The following SHLD1 variants were observed in gnomAD, a reference collection of about 807,000 sequenced individuals.
The protein encoded by SHLD1 is shieldin complex subunit 1, also known as RINN1-REV7-interacting novel NHEJ regulator 3.
In SHLD1, 3 loss-of-function variants were observed where a neutral mutation model predicts 5.5. That is an observed-to-expected ratio of 0.54 (90% confidence interval 0.25 to 1.40). The LOEUF is 1.40. Among genes scored for constraint, SHLD1 ranks in the 40% most tolerant of loss-of-function variants. The pLI is 0.15. For synonymous variants in SHLD1, 92 were observed against 94.3 expected (o/e 0.98, Z 0.14); for missense variants, 210 against 244.4 (o/e 0.86, Z 0.94).
At chr20:5,860,915 G>T (rs1030483626) in intron 2 of SHLD1, among the ~76,000 whole-genome samples, 1 of 138,914 alleles carries the variant, frequency 7.2e-6, no homozygotes, top group African/African-American at 2.6e-5. Context: ...AAAAAAAGAC[G>T]GGCCTGGGAC....
chr20:5,764,158 T>TTTTATATATATATATTTTTA (rs1555768335), intron 1 of SHLD1, among the ~76,000 whole-genome samples: 1 of 72,048 alleles, frequency 1.4e-5, no homozygotes, highest in African/African-American at 5.2e-5. Flanking sequence ...ATATTTATAT[T>TTTTATATATATATATTTTTA]TATATATATA....
chr20:5,862,522 C>T (rs1286035577), intron 2 of SHLD1, among the ~76,000 whole-genome samples: 42 of 152,270 alleles, frequency 2.8e-4, no homozygotes, highest in Admixed American at 2.7e-3. Flanking sequence ...CTCAACTACT[C>T]ATCAAGCTGG....
At chr20:5,752,942 G>A (rs148639492) in intron 1 of SHLD1, among the ~76,000 whole-genome samples, 13 of 152,210 alleles carry the variant, frequency 8.5e-5, no homozygotes, top group African/African-American at 1.7e-4. Context: ...TTACAGGCAC[G>A]CATTGCCATG....
At chr20:5,778,244 G>GT (rs1985527707) in intron 2 of SHLD1, among the ~76,000 whole-genome samples, 1 of 148,448 alleles carries the variant, frequency 6.7e-6, no homozygotes, top group East Asian at 2.0e-4. Flanking sequence ...AGCCTCCCAA[G>GT]TAGCTAGGAC....
intron 2 of SHLD1, among the ~76,000 whole-genome samples, chr20:5,789,004 C>A (rs576795107): frequency 2.0e-5 from 3 of 151,980 alleles, no homozygotes; most frequent in Non-Finnish European, 4.4e-5. Context: ...CATAGTGGCA[C>A]GCACCTGTAA....
At chr20:5,848,836 C>T (rs933363992) in intron 2 of SHLD1, among the ~76,000 whole-genome samples, 3 of 152,038 alleles carry the variant, frequency 2.0e-5, no homozygotes, top group South Asian at 2.1e-4. Flanking sequence ...CTTAGAGGAC[C>T]GCGTCCTCTG....
intron 1 of SHLD1, among the ~76,000 whole-genome samples, chr20:5,769,468 G>A (rs1241874797): frequency 6.6e-6 from 1 of 152,166 alleles, no homozygotes; most frequent in Non-Finnish European, 1.5e-5. Context: ...ACCCCCCAGG[G>A]GATACCCGAA....
chr20:5,764,126 CAAAAAAA>C (rs766327106), intron 1 of SHLD1, among the ~76,000 whole-genome samples: 8 of 53,234 alleles, frequency 1.5e-4, no homozygotes, highest in East Asian at 1.4e-3. Flanking sequence ...GGCTCTGTCT[CAAAAAAA>C]AAAAAAATAT....
rs988067111 is a variant in SHLD1, at chr20:5,778,431, T to C, written c.178+5388T>C. 4.0e-5 allele frequency among the ~76,000 whole-genome samples: 6 copies of C among 151,382 alleles called. No homozygotes were observed. The East Asian group carries it at 1.2e-3, about 30-fold the overall frequency. On this transcript the variant is annotated intron_variant, in intron 2 of 2. Transcript: ENST00000303142. The stretch of plus-strand genomic sequence containing the variant: ...CAGCCTGGACAACGTAGCAAAACCC[T>C]GTCTCTACTAAAAAAAAATTTAAAA...
At chr20:5,848,474 A>C (rs1276954266) in intron 2 of SHLD1, among the ~76,000 whole-genome samples, 3 of 152,228 alleles carry the variant, frequency 2.0e-5, no homozygotes, top group African/African-American at 7.2e-5. Context: ...AGCCAAGATT[A>C]ATTTTTAAAA....
intron 2 of SHLD1, among the ~76,000 whole-genome samples, chr20:5,839,491 AGATAGAT>A (rs2087830474): frequency 1.1e-5 from 1 of 94,246 alleles, no homozygotes; most frequent in Non-Finnish European, 2.1e-5. Flanking sequence ...ATAGAAAGAT[AGATAGAT>A]AGATAGATAG....
intron 2 of SHLD1, among the ~76,000 whole-genome samples, chr20:5,854,843 C>T (rs566393877): frequency 6.9e-6 from 1 of 145,126 alleles, no homozygotes; most frequent in African/African-American, 2.6e-5. Context: ...CTTCTGGTAA[C>T]CACCATTCTG....
chr20:5,808,600 A>G (rs237071), intron 2 of SHLD1, among the ~76,000 whole-genome samples: 2,935 of 152,318 alleles, frequency 0.019, 91 homozygotes, highest in African/African-American at 0.067. Context: ...TGATTGGATC[A>G]TAGTTTATTT....
At chr20:5,768,307 G>A (rs1004657857) in intron 1 of SHLD1, among the ~76,000 whole-genome samples, 3 of 152,158 alleles carry the variant, frequency 2.0e-5, no homozygotes, top group African/African-American at 7.2e-5. Flanking sequence ...CCCCTGATAC[G>A]CTGTGGCACT....
intron 2 of SHLD1, among the ~76,000 whole-genome samples, chr20:5,823,092 C>A (rs765370654): frequency 3.6e-4 from 54 of 150,682 alleles, no homozygotes; most frequent in Non-Finnish European, 6.3e-4. Flanking sequence ...GTTCCCAGTC[C>A]TTTGTATTTG....
intron 2 of SHLD1, among the ~76,000 whole-genome samples, chr20:5,794,523 T>C (rs1448280795): frequency 6.6e-6 from 1 of 152,246 alleles, no homozygotes; most frequent in Non-Finnish European, 1.5e-5. Flanking sequence ...TATGAAAATA[T>C]ATATTTTCTG....
At chr20:5,802,464 G>A (rs886369134) in intron 2 of SHLD1, among the ~76,000 whole-genome samples, 19 of 152,076 alleles carry the variant, frequency 1.2e-4, no homozygotes, top group Admixed American at 1.0e-3. Context: ...ATACTAGTAC[G>A]TACATCATAA....
chr20:5,850,809 G>T (rs963189938), intron 2 of SHLD1, among the ~76,000 whole-genome samples: 2 of 151,896 alleles, frequency 1.3e-5, no homozygotes, highest in Non-Finnish European at 2.9e-5. Flanking sequence ...CGCACCTGGC[G>T]CCCAGTCCCA....
chr20:5,828,321 T>TGTGTAATAG (rs11087698), intron 2 of SHLD1, among the ~76,000 whole-genome samples: 1 of 151,620 alleles, frequency 6.6e-6, no homozygotes, highest in Admixed American at 6.6e-5. Flanking sequence ...CTTAGAACAG[T>TGTGTAATAG]GTGATAGGTC....
Sources: allele counts gnomAD v4.1 joint callset (sites outside exome capture counted in the v4.1 genomes callset), GRCh38; gene constraint gnomAD v4.1.1; transcripts MANE v1.5; gene names NCBI Gene and HGNC (gene_info 2026-07-23, HGNC 2026-07-21).